Variants in RPS6KC1 observed in about 807,000 individuals in gnomAD.
RPS6KC1 encodes inactive ribosomal protein S6 kinase delta-1.
A neutral mutation model predicts 103.8 loss-of-function variants in RPS6KC1; 54 were observed. That is an observed-to-expected ratio of 0.52 (90% CI 0.42 to 0.65). The LOEUF is 0.65. Among genes scored for constraint, RPS6KC1 ranks in the 30% least tolerant of loss-of-function variants. RPS6KC1 has a pLI of 0.00. For missense variants in RPS6KC1, 1,151 were observed against 1,253.8 expected (o/e 0.92, Z 1.24); for synonymous variants, 439 against 438.7 (o/e 1.00, Z -0.01).
the RPS6KC1 span, among the ~76,000 whole-genome samples, chr1:213,500,717 T>C: frequency 2.0e-5 from 3 of 152,220 alleles, no homozygotes; most frequent in African/African-American, 7.2e-5. Context: ...CTGTTATATA[T>C]GTGATCCTTT....
intron 8 of RPS6KC1, among the ~76,000 whole-genome samples, chr1:213,220,312 A>C (rs2093799051): frequency 6.6e-6 from 1 of 152,164 alleles, no homozygotes; most frequent in Admixed American, 6.5e-5. Flanking sequence ...AATTAACACA[A>C]AAAAATTGCA....
At chr1:213,069,513 T>A (rs1457169596) in intron 1 of RPS6KC1, among the ~76,000 whole-genome samples, 1 of 152,230 alleles carries the variant, frequency 6.6e-6, no homozygotes, top group Non-Finnish European at 1.5e-5. Flanking sequence ...GAACCAAGGT[T>A]TGTCTGACTT....
chr1:213,765,001 G>T, the RPS6KC1 span, among the ~76,000 whole-genome samples: 2 of 152,106 alleles, frequency 1.3e-5, no homozygotes, highest in Non-Finnish European at 2.9e-5. Context: ...GCCTTTCCAG[G>T]ATCTATTCCA....
chr1:213,416,665 C>T, the RPS6KC1 span, among the ~76,000 whole-genome samples: 13 of 152,304 alleles, frequency 8.5e-5, no homozygotes, highest in African/African-American at 2.2e-4. Context: ...ACCCTGGTGT[C>T]GTGCCTCCGC....
At chr1:213,313,093 A>C in the RPS6KC1 span, among the ~76,000 whole-genome samples, 1 of 152,146 alleles carries the variant, frequency 6.6e-6, no homozygotes, top group East Asian at 1.9e-4. Flanking sequence ...TAGAATCATT[A>C]ATTGTTTTGC....
chr1:213,736,761 T>C, the RPS6KC1 span, among the ~76,000 whole-genome samples: 6 of 152,246 alleles, frequency 3.9e-5, no homozygotes, highest in African/African-American at 1.4e-4. Context: ...CCAGTTTGCC[T>C]GGACTAGTTT....
At chr1:213,438,792 CTTTTTTTTTTTTTTT>C in the RPS6KC1 span, among the ~76,000 whole-genome samples, 1 of 129,732 alleles carries the variant, frequency 7.7e-6, no homozygotes, top group Admixed American at 7.9e-5. Context: ...ATCTTGGTTT[CTTTTTTTTTTTTTTT>C]TTTTGAGATG....
intron 2 of RPS6KC1, among the ~76,000 whole-genome samples, chr1:213,071,246 C>G (rs775752664): frequency 6.6e-6 from 1 of 152,174 alleles, no homozygotes; most frequent in Non-Finnish European, 1.5e-5. Flanking sequence ...TCTCCTGCCT[C>G]TGCCTCCCGA....
At chr1:213,074,992 C>T (rs2079195493) in intron 2 of RPS6KC1, among the ~76,000 whole-genome samples, 1 of 151,550 alleles carries the variant, frequency 6.6e-6, no homozygotes, top group African/African-American at 2.4e-5. Flanking sequence ...GCTGGGACTT[C>T]AGGCACCCAC....
chr1:213,663,574 A>G, the RPS6KC1 span, among the ~76,000 whole-genome samples: 1 of 152,226 alleles, frequency 6.6e-6, no homozygotes, highest in African/African-American at 2.4e-5. Flanking sequence ...CTGCAAAATG[A>G]ATATGAAGCA....
chr1:213,364,769 C>A, the RPS6KC1 span, among the ~76,000 whole-genome samples: 1 of 151,946 alleles, frequency 6.6e-6, no homozygotes, highest in Non-Finnish European at 1.5e-5. Context: ...GCCTGGTCAA[C>A]GTGGTAAAAC....
chr1:213,444,084 C>T, the RPS6KC1 span, among the ~76,000 whole-genome samples: 1 of 152,106 alleles, frequency 6.6e-6, no homozygotes, highest in Admixed American at 6.5e-5. Flanking sequence ...TCTTTTCATG[C>T]CTCTCTCCTA....
At chr1:213,674,176 G>A in the RPS6KC1 span, among the ~76,000 whole-genome samples, 20 of 152,180 alleles carry the variant, frequency 1.3e-4, no homozygotes, top group South Asian at 3.7e-3. Context: ...ATGCCACCAC[G>A]CCTGGCTACT....
At chr1:213,606,344 C>T in the RPS6KC1 span, among the ~76,000 whole-genome samples, 2 of 152,228 alleles carry the variant, frequency 1.3e-5, no homozygotes. Context: ...ACTGGCCCTG[C>T]TGGCCCCAAA....
the RPS6KC1 span, among the ~76,000 whole-genome samples, chr1:213,513,687 C>T: frequency 6.6e-6 from 1 of 152,152 alleles, no homozygotes; most frequent in South Asian, 2.1e-4. Context: ...CTGCCATGCA[C>T]AGCATTTTAG....
At chr1:213,859,931 C>T in the RPS6KC1 span, among the ~76,000 whole-genome samples, 2 of 151,328 alleles carry the variant, frequency 1.3e-5, no homozygotes, top group Non-Finnish European at 2.9e-5. Flanking sequence ...ATGTAAGCAC[C>T]CATCTTTTTG....
chr1:213,202,504 T>C (rs1329451096), intron 8 of RPS6KC1, among the ~76,000 whole-genome samples: 1 of 152,024 alleles, frequency 6.6e-6, no homozygotes. Context: ...TCCCAGCTAC[T>C]TGGGAGTCTG....
chr1:213,167,491 A>ACACAG (rs1558462702), intron 6 of RPS6KC1, among the ~76,000 whole-genome samples: 1 of 70,732 alleles, frequency 1.4e-5, no homozygotes, highest in South Asian at 6.0e-4. Flanking sequence ...CACACACACA[A>ACACAG]CAGCTGTTGC....
the RPS6KC1 span, among the ~76,000 whole-genome samples, chr1:213,625,269 A>G: frequency 6.6e-6 from 1 of 152,236 alleles, no homozygotes; most frequent in Admixed American, 6.5e-5. Context: ...ATTCTCACAG[A>G]AAGTCCTGTT....
Sources: gnomAD v4.1 joint callset for allele counts (sites outside exome capture counted in the v4.1 genomes callset) on GRCh38, gnomAD v4.1.1 for gene constraint, MANE v1.5 for transcripts, NCBI Gene and HGNC (gene_info 2026-07-23, HGNC 2026-07-21) for gene names.